WIPI2: variants seen among roughly 807,000 people sequenced by gnomAD.
WIPI2 encodes WD repeat domain, phosphoinositide interacting 2.
In WIPI2, 28 loss-of-function variants were observed where a neutral mutation model predicts 52.3. The ratio of observed to expected loss-of-function variants is 0.54; its 90% CI spans 0.40 to 0.73. The LOEUF is 0.73. WIPI2 is among the 30% of genes least tolerant of loss of function. The pLI is 0.00. For missense variants in WIPI2, 506 were observed against 602.9 expected (o/e 0.84, Z 1.68); for synonymous variants, 268 against 245.0 (o/e 1.09, Z -0.88).
In WIPI2 at chr7:5,190,267, A is replaced by G; in HGVS notation, c.-153A>G. ...GCCCCGGCTCTGGAGCATAAACAAG[A>G]GCGGGGACGGGATGAGGCGGCGGTT... On this transcript the variant is annotated 5_prime_UTR_variant, in exon 1 of 13. Transcript: ENST00000288828. 2 of 375,368 alleles carry G rather than the reference A, an allele frequency of 5.3e-6. No homozygotes were observed. Among genetic ancestry groups the G allele is most frequent in the Non-Finnish European group, 4.3e-6 (1 of 230,374 alleles). The allele number at this position is 375,368 out of a possible 1,614,324, so 23.3% of individuals were successfully genotyped here.
chr7:5,214,384 G>C, intron 3 of WIPI2, 151 bp from the exon 4 acceptor site: 1 of 1,604,522 alleles, frequency 6.2e-7, no homozygotes, highest in Non-Finnish European at 8.5e-7. Flanking sequence ...CCCCCGGGCT[G>C]TCCCCACCCC....
chr7:5,212,348 C>T (rs1035308678), intron 3 of WIPI2, among the ~76,000 whole-genome samples: 4 of 152,162 alleles, frequency 2.6e-5, no homozygotes, highest in South Asian at 4.2e-4. Flanking sequence ...CGGGCCAGTG[C>T]GTGCAGCCCC....
chr7:5,214,765 A>G, intron 4 of WIPI2, 61 bp downstream of exon 4: 1 of 1,579,376 alleles, frequency 6.3e-7, no homozygotes, highest in Non-Finnish European at 8.6e-7. Flanking sequence ...CTCTGGGACA[A>G]GCCCACCCCA....
intron 2 of WIPI2, among the ~76,000 whole-genome samples, chr7:5,195,012 A>C (rs1781675399): frequency 1.3e-5 from 2 of 152,142 alleles, no homozygotes. Context: ...GCGTTTAAAA[A>C]GCAGTGACTC....
At chr7:5,226,019 C>A in intron 9 of WIPI2, 89 bp downstream of exon 9, 1 of 1,294,612 alleles carries the variant, frequency 7.7e-7, no homozygotes, top group Admixed American at 2.0e-5. Context: ...ACGGACCCGC[C>A]CACCCTCTGA....
At chr7:5,224,088 C>G (rs770875588) in intron 8 of WIPI2, among the ~76,000 whole-genome samples, 1 of 152,254 alleles carries the variant, frequency 6.6e-6, no homozygotes, top group Non-Finnish European at 1.5e-5. Context: ...AGGCCCCTGC[C>G]TTGGTTCAGC....
intron 3 of WIPI2, among the ~76,000 whole-genome samples, chr7:5,207,447 G>A (rs1390290121): frequency 6.6e-6 from 1 of 152,074 alleles, no homozygotes; most frequent in East Asian, 1.9e-4. Context: ...CTTTTGCTCT[G>A]CATTTTTTTT....
Position 5,227,021 on chromosome 7 carries a change from G to T in WIPI2, c.849-159G>T. 1.1e-6 allele frequency: 1 copy of T among 949,416 alleles called. No homozygotes were observed. 58.8% of individuals were successfully genotyped at this position (949,416 alleles called of 1,614,324 possible). On this transcript the variant is annotated intron_variant, in intron 9 of 12. Coordinates refer to ENST00000288828, the MANE Select transcript of WIPI2 (RefSeq NM_015610.4). This position sits in a 1 kb window ranked among gnomAD's most constrained non-coding sequence, Gnocchi z 8.1. Reference sequence around the variant, plus strand: ...CAGAGGAAGCTCCGTGATGCCCCTGGGGCCCTGAGTGTCTGCTTATAACCA... The same window carrying T: ...CAGAGGAAGCTCCGTGATGCCCCTGTGGCCCTGAGTGTCTGCTTATAACCA...
chr7:5,204,893 C>T (rs1019642608), intron 3 of WIPI2, among the ~76,000 whole-genome samples: 2 of 152,166 alleles, frequency 1.3e-5, no homozygotes, highest in African/African-American at 2.4e-5. Context: ...CAAGGCTGGT[C>T]TTGAACTCGT....
rs1783828901 is a variant in WIPI2 at position 5,233,562 on chromosome 7, C to T, written c.*2615C>T. On this transcript the variant is annotated 3_prime_UTR_variant, in exon 13 of 13. Coordinates refer to ENST00000288828, the MANE Select transcript of WIPI2 (RefSeq NM_015610.4). The stretch of plus-strand genomic sequence containing the variant: ...GGCTCAGTGGACTCTGGGACCAAAC[C>T]TTCTGTAATCTCTAAAACAATGGGA... 1 of 152,628 alleles carries T rather than the reference C, an allele frequency of 6.6e-6. No individual in the cohort carries two copies. The highest frequency in any genetic ancestry group is 2.4e-5 in the African/African-American group (1 of 41,454). 9.5% of individuals were successfully genotyped at this position (152,628 alleles called of 1,614,324 possible).
chr7:5,214,860 C>T (rs535104687), intron 4 of WIPI2, among the ~76,000 whole-genome samples, 156 bp downstream of exon 4: 4 of 152,326 alleles, frequency 2.6e-5, no homozygotes, highest in Admixed American at 6.5e-5. Context: ...AGCTCTGTTT[C>T]CTCACCCACC....
Position 5,227,287 on chromosome 7 carries a change from C to G in WIPI2, c.956C>G (p.Ala319Gly). 6.2e-7 allele frequency: 1 copy of G among 1,613,402 alleles called. No individual in the cohort carries two copies. The highest frequency in any genetic ancestry group is 8.5e-7 in the Non-Finnish European group (1 of 1,180,034). Reference protein sequence around the residue: ...QVTEMFNQGRAFATVRLPFCG... With the variant: ...QVTEMFNQGRGFATVRLPFCG... ...ACAGAAATGTTCAACCAGGGCAGAGCCTTCGCCACGGTCCGCCTGCCATTC... is the reference window on the plus strand; with the variant it reads ...ACAGAAATGTTCAACCAGGGCAGAGGCTTCGCCACGGTCCGCCTGCCATTC... The change falls in exon 10 of 13, where the codon GCC (alanine) becomes GGC (glycine). Residue 319 changes from alanine to glycine, a missense_variant. Around this residue, in one of 4 missense-constraint regions of WIPI2, gnomAD observed 237 missense variants for 346.9 expected, o/e 0.68. Transcript: ENST00000288828. This position sits in a 1 kb window ranked among gnomAD's most constrained non-coding sequence, Gnocchi z 8.1.
At chr7:5,198,674 A>G (rs945465913) in intron 2 of WIPI2, among the ~76,000 whole-genome samples, 1 of 152,168 alleles carries the variant, frequency 6.6e-6, no homozygotes, top group African/African-American at 2.4e-5. Context: ...CACTTGAGAA[A>G]CCTCAGTTTG....
rs371146538 is a variant in WIPI2 at position 5,227,315 on chromosome 7, C to T, written c.984C>T (p.Cys328=). 40 of 1,613,626 alleles carry T rather than the reference C, an allele frequency of 2.5e-5. No homozygotes were observed. The highest frequency in any genetic ancestry group is 5.3e-5 in the African/African-American group (4 of 74,948). The change falls in exon 10 of 13, where the codon TGC becomes TGT. Residue 328 remains cysteine, a synonymous_variant. Transcript: ENST00000288828. This position sits in a 1 kb window ranked among gnomAD's most constrained non-coding sequence, Gnocchi z 8.1. Reference sequence around the variant, plus strand: ...TCGCCACGGTCCGCCTGCCATTCTGCGGCCACAAAAACATCTGCTCGCTAG... The same window carrying T: ...TCGCCACGGTCCGCCTGCCATTCTGTGGCCACAAAAACATCTGCTCGCTAG... ...RAFATVRLPF[C]GHKNICSLAT...
chr7:5,213,511 T>TG (rs1782661290), intron 3 of WIPI2: 1 of 152,308 alleles, frequency 6.6e-6, no homozygotes, highest in Admixed American at 6.5e-5. Context: ...TACTTGTCAC[T>TG]GTGCTGCAGC....
rs374424612 is a variant in WIPI2, at chr7:5,225,877, C to T, written c.795C>T (p.Ala265=). 30 of 1,613,828 alleles carry T rather than the reference C, an allele frequency of 1.9e-5. No individual in the cohort carries two copies. Among genetic ancestry groups the T allele is most frequent in the Non-Finnish European group, 2.5e-5 (29 of 1,179,994 alleles). Residue 265 remains alanine, a synonymous_variant, in exon 9 of 13, where the codon GCC becomes GCT. Transcript: ENST00000288828. ...AFSMDGMFLS[A]SSNTETVHIF... ...GCATGGACGGCATGTTCCTCTCCGC[C>T]TCCAGCAACACTGAGACCGTGCACA...
intron 3 of WIPI2, chr7:5,214,134 A>G (rs972699792): frequency 1.9e-6 from 1 of 538,100 alleles, no homozygotes; most frequent in Non-Finnish European, 2.8e-6. Flanking sequence ...AGCGCTCAGC[A>G]CATGAGTCTA....
chr7:5,211,095 C>G (rs774590556), intron 3 of WIPI2, among the ~76,000 whole-genome samples: 2 of 152,192 alleles, frequency 1.3e-5, no homozygotes, highest in Non-Finnish European at 2.9e-5. Context: ...AGGAAAAGGA[C>G]AGTTGTTTTC....
chr7:5,193,708 C>T (rs760866915), intron 2 of WIPI2, among the ~76,000 whole-genome samples: 32 of 151,896 alleles, frequency 2.1e-4, no homozygotes, highest in South Asian at 4.2e-4. Context: ...CCCGAGAAAC[C>T]GGGACTACAG....
Sources: allele counts gnomAD v4.1 joint callset (sites outside exome capture counted in the v4.1 genomes callset), GRCh38; gene constraint gnomAD v4.1.1; regional missense constraint gnomAD v4.1.1; non-coding constraint Gnocchi (gnomAD v3.1); transcripts MANE v1.5; gene names NCBI Gene and HGNC (gene_info 2026-07-23, HGNC 2026-07-21).